SEMA5B: variants seen among roughly 807,000 people sequenced by gnomAD.
SEMA5B encodes the protein semaphorin 5B, also known as semaphorin-5B.
A neutral mutation model predicts 135.0 loss-of-function variants in SEMA5B; 66 were observed. The ratio of observed to expected loss-of-function variants is 0.49; its 90% CI spans 0.40 to 0.60. The LOEUF (loss-of-function observed/expected upper bound fraction) is 0.60. SEMA5B is among the 20% of genes least tolerant of loss of function. The pLI, the probability that SEMA5B is intolerant of heterozygous loss-of-function variation, is 0.00. For missense variants in SEMA5B, 1,501 were observed against 1,566.3 expected, an observed-to-expected ratio of 0.96 and a Z score of 0.70; for synonymous variants, 690 against 639.5, an observed-to-expected ratio of 1.08 and a Z score of -1.19.
intron 1 of SEMA5B, among the ~76,000 whole-genome samples, chr3:123,002,471 C>T (rs147278030): frequency 2.3e-4 from 35 of 152,330 alleles, no homozygotes; most frequent in Admixed American, 3.3e-4. Context: ...GAGCAGCAGA[C>T]GGATGCAAAC....
At chr3:122,913,724 C>T in intron 15 of SEMA5B, 43 bp from the exon 16 acceptor site, 12 of 1,603,512 alleles carry the variant, frequency 7.5e-6, no homozygotes, top group Non-Finnish European at 1.0e-5. Context: ...GGGGGACCCC[C>T]TTCCCTGACG....
intron 1 of SEMA5B, among the ~76,000 whole-genome samples, chr3:122,978,939 C>T (rs1406074910): frequency 3.9e-5 from 6 of 152,162 alleles, no homozygotes; most frequent in Admixed American, 3.9e-4. Flanking sequence ...ACCTGGCTCC[C>T]TTCATGCTCG....
chr3:122,973,754 G>A (rs898057830), intron 1 of SEMA5B, among the ~76,000 whole-genome samples: 1 of 152,174 alleles, frequency 6.6e-6, no homozygotes, highest in African/African-American at 2.4e-5. Flanking sequence ...CCCACTCTGG[G>A]AATCTGCAAC....
chr3:122,938,903 C>A (rs940717200), intron 5 of SEMA5B, among the ~76,000 whole-genome samples: 3 of 152,204 alleles, frequency 2.0e-5, no homozygotes, highest in Admixed American at 2.0e-4. Context: ...TCCTTCTTGG[C>A]AGCAGATAAT....
intron 1 of SEMA5B, among the ~76,000 whole-genome samples, chr3:122,982,239 C>T (rs899771886): frequency 6.6e-5 from 10 of 152,190 alleles, no homozygotes; most frequent in African/African-American, 7.2e-5. Context: ...GCATAGTCTC[C>T]GGAAGAGGGT....
chr3:122,960,779 A>C (rs190364553), intron 2 of SEMA5B, among the ~76,000 whole-genome samples: 2 of 152,316 alleles, frequency 1.3e-5, no homozygotes, highest in Admixed American at 1.3e-4. Context: ...AGTCAAATCC[A>C]TGGAGACAGA....
intron 12 of SEMA5B, among the ~76,000 whole-genome samples, chr3:122,917,148 A>C (rs1938113209): frequency 6.6e-6 from 1 of 152,162 alleles, no homozygotes; most frequent in South Asian, 2.1e-4. Flanking sequence ...CATTCAGCCC[A>C]CTGCCAATCC....
chr3:122,926,606 G>T lies in SEMA5B; in HGVS notation c.922C>A (p.His308Asn), dbSNP rs780508376. 5 of 1,614,108 alleles carry T rather than the reference G, an allele frequency of 3.1e-6. No homozygotes were observed. Among genetic ancestry groups the T allele is most frequent in the Non-Finnish European group, 8.5e-7 (1 of 1,180,044 alleles). ...GAGTACACGGTGCGTCCACAGTCGT[G>T]CTCCACTGCGTTCTCCCGCAGGAAG... The part of the protein sequence containing the change: ...YFFLRENAVE[H>N]DCGRTVYSRV... Residue 308 changes from histidine (H) to asparagine (N), a missense_variant, in exon 9 of 23, where the codon CAC becomes AAC. By Grantham distance (68) the His-to-Asn change is moderately conservative. Transcript: ENST00000357599.
At position 123,025,918 on chromosome 3, in the gene SEMA5B, AG is replaced by A. The variant is rs1184101558; in HGVS notation, c.-39+1545del. ...TCTGCCCCCCTTTTCCGTAATCTTG[AG>A]GTCCAGTTACAAGGTTCAAGTTCCC... On this transcript the variant is annotated intron_variant, in intron 1 of 22. Transcript: ENST00000357599. Among the ~76,000 whole-genome samples, 37 of 152,102 alleles carry A rather than the reference AG, an allele frequency of 2.4e-4. 1 individual carries two copies. The highest frequency in any genetic ancestry group is 2.4e-3 in the Admixed American group (37 of 15,280).
chr3:122,941,464 A>G (rs1328627072), intron 4 of SEMA5B, among the ~76,000 whole-genome samples: 1 of 152,240 alleles, frequency 6.6e-6, no homozygotes, highest in Non-Finnish European at 1.5e-5. Flanking sequence ...TTCCTGGTCC[A>G]TAAAATGGGG....
chr3:122,995,011 A>C (rs1941992905), intron 1 of SEMA5B, among the ~76,000 whole-genome samples: 1 of 152,150 alleles, frequency 6.6e-6, no homozygotes, highest in South Asian at 2.1e-4. Flanking sequence ...AGGGGTGTTT[A>C]GCAGGAGGGA....
At chr3:122,968,743 A>T (rs182622189) in intron 1 of SEMA5B, among the ~76,000 whole-genome samples, 2 of 152,284 alleles carry the variant, frequency 1.3e-5, no homozygotes, top group African/African-American at 4.8e-5. Flanking sequence ...TACTCCAGCC[A>T]CATCTCTTGG....
chr3:122,940,206 TGATATCA>T (rs1292577670), intron 4 of SEMA5B, among the ~76,000 whole-genome samples: 5 of 152,216 alleles, frequency 3.3e-5, no homozygotes, highest in African/African-American at 1.2e-4. Context: ...GTAGTAATAA[TGATATCA>T]GACACTTATT....
intron 3 of SEMA5B, among the ~76,000 whole-genome samples, chr3:122,947,466 T>G (rs1361311356): frequency 1.3e-5 from 2 of 152,004 alleles, no homozygotes; most frequent in African/African-American, 4.8e-5. Context: ...TCCAGCTGGG[T>G]TCCATCTTAC....
At chr3:122,996,509 A>G (rs1318260682) in intron 1 of SEMA5B, among the ~76,000 whole-genome samples, 1 of 152,230 alleles carries the variant, frequency 6.6e-6, no homozygotes, top group Non-Finnish European at 1.5e-5. Context: ...ACACATGCCA[A>G]GATCCAGGCA....
intron 2 of SEMA5B, among the ~76,000 whole-genome samples, chr3:122,956,965 C>T (rs1039090796): frequency 1.3e-5 from 2 of 152,144 alleles, no homozygotes; most frequent in Admixed American, 6.5e-5. Flanking sequence ...CCATCAGGGG[C>T]GAAGAGCATT....
intron 1 of SEMA5B, among the ~76,000 whole-genome samples, chr3:122,989,673 C>T (rs16833742): frequency 0.017 from 2,596 of 152,272 alleles, 46 homozygotes; most frequent in East Asian, 0.084. Flanking sequence ...AAACTGCAAA[C>T]CTCAGAGCAT....
chr3:123,008,528 GAGAGGAGAGTGGAGGC>G (rs1366093379), intron 1 of SEMA5B, among the ~76,000 whole-genome samples: 1 of 152,154 alleles, frequency 6.6e-6, no homozygotes, highest in Admixed American at 6.5e-5. Flanking sequence ...TGAATGGGAG[GAGAGGAGAGTGGAGGC>G]AGAGGAGAGA....
At chr3:122,935,560 C>T (rs1358976654) in intron 5 of SEMA5B, among the ~76,000 whole-genome samples, 1 of 152,100 alleles carries the variant, frequency 6.6e-6, no homozygotes, top group Non-Finnish European at 1.5e-5. Flanking sequence ...CCTTGTACCT[C>T]ATCCTCACAT....
Sources: gnomAD v4.1 joint callset for allele counts (sites outside exome capture counted in the v4.1 genomes callset) on GRCh38, gnomAD v4.1.1 for gene constraint, MANE v1.5 for transcripts, NCBI Gene and HGNC (gene_info 2026-07-23, HGNC 2026-07-21) for gene names.